ARRB1: variants seen among roughly 807,000 people sequenced by gnomAD.
ARRB1 encodes beta-arrestin-1.
ARRB1 carries 21 observed loss-of-function variants against 56.8 expected under a neutral mutation model. The observed-to-expected ratio is 0.37, with a 90% CI of 0.26 to 0.53. ARRB1 has a LOEUF of 0.53. Ranked by LOEUF, ARRB1 falls within the 20% of genes least tolerant of loss-of-function variation. ARRB1 has a pLI of 0.88. For missense variants in ARRB1, 424 were observed against 553.7 expected, an observed-to-expected ratio of 0.77 and a Z score of 2.35; for synonymous variants, 210 against 218.6, an observed-to-expected ratio of 0.96 and a Z score of 0.35.
At chr11:75,337,608 AG>A (rs1947626344) in intron 1 of ARRB1, among the ~76,000 whole-genome samples, 1 of 151,900 alleles carries the variant, frequency 6.6e-6, no homozygotes, top group African/African-American at 2.4e-5. Flanking sequence ...TCGAGCAGAG[AG>A]GGAACTGACT....
At chr11:75,269,779 A>G (rs1440371179) in intron 13 of ARRB1, among the ~76,000 whole-genome samples, 1 of 152,254 alleles carries the variant, frequency 6.6e-6, no homozygotes, top group Non-Finnish European at 1.5e-5. Flanking sequence ...ATCTTGCCCA[A>G]GGCCACACAG....
chr11:75,282,110 T>C, intron 5 of ARRB1, 89 bp from the exon 6 acceptor site: 1 of 1,414,882 alleles, frequency 7.1e-7, no homozygotes, highest in Non-Finnish European at 9.9e-7. Flanking sequence ...CATACACCCA[T>C]CAGACCAAGG....
intron 1 of ARRB1, among the ~76,000 whole-genome samples, chr11:75,346,522 T>C (rs967447406): frequency 5.3e-5 from 8 of 151,882 alleles, no homozygotes; most frequent in Non-Finnish European, 1.0e-4. Flanking sequence ...GCTCCAGGCA[T>C]GTAGAAAAGC....
chr11:75,302,065 G>GA (rs578050861), intron 1 of ARRB1, among the ~76,000 whole-genome samples: 108 of 152,298 alleles, frequency 7.1e-4, no homozygotes, highest in African/African-American at 2.5e-3. Flanking sequence ...AGTGTGCCCA[G>GA]AGTCAGACTG....
chr11:75,286,244 G>T (rs1946468844), intron 3 of ARRB1, among the ~76,000 whole-genome samples: 3 of 117,302 alleles, frequency 2.6e-5, no homozygotes, highest in South Asian at 6.2e-4. Flanking sequence ...GCCTCACTTT[G>T]ATTTGCTCAT....
Position 75,293,886 on chromosome 11 carries a change from G to A in ARRB1, c.21-3847C>T, listed in dbSNP as rs561292769. Among the ~76,000 whole-genome samples, 117 of 152,234 alleles carry A rather than the reference G, an allele frequency of 7.7e-4. 2 individuals are homozygous for A. Among genetic ancestry groups the A allele is most frequent in the African/African-American group, 2.8e-3 (115 of 41,544 alleles). On this transcript the variant is annotated intron_variant, in intron 1 of 15. Transcript: ENST00000420843. ...TCCTCCCGGGGCTTCATTTTCCCCC[G>A]GTTGCACTGCTTTCTGGGCGGCTGC...
At chr11:75,326,332 T>C (rs1052337528) in intron 1 of ARRB1, among the ~76,000 whole-genome samples, 7 of 152,240 alleles carry the variant, frequency 4.6e-5, no homozygotes, top group African/African-American at 1.7e-4. Flanking sequence ...TAAATAAAAA[T>C]GTGAATGAGT....
At chr11:75,311,852 G>A (rs973453982) in intron 1 of ARRB1, among the ~76,000 whole-genome samples, 1 of 152,192 alleles carries the variant, frequency 6.6e-6, no homozygotes, top group African/African-American at 2.4e-5. Context: ...GGCCCCTGCT[G>A]GCCTGTGACA....
chr11:75,288,192 A>G (rs144911250), intron 2 of ARRB1, among the ~76,000 whole-genome samples: 2 of 152,340 alleles, frequency 1.3e-5, no homozygotes, highest in East Asian at 3.9e-4. Context: ...AGTTAAAAGT[A>G]TATGTTATTT....
At chr11:75,278,001 G>A (rs952599574) in intron 8 of ARRB1, among the ~76,000 whole-genome samples, 5 of 152,268 alleles carry the variant, frequency 3.3e-5, no homozygotes, top group Admixed American at 3.3e-4. Context: ...TCTGGAAGAA[G>A]CAGGGAAAGG....
In ARRB1 at chr11:75,268,937, A is replaced by G. The variant is rs2140397064; in HGVS notation, c.1045T>C (p.Phe349Leu). 2 of 1,610,716 alleles carry G rather than the reference A, an allele frequency of 1.2e-6. No homozygotes were observed. The highest frequency in any genetic ancestry group is 1.7e-4 in the Middle Eastern group (1 of 6,040). ...TTGGGCTTGGGGTGCATTAGGGTGA[A>G]GGGCAGTTCCACGGCCACGTCGCTG... ...ASSDVAVELP[F>L]TLMHPKPKEE... The change falls in exon 14 of 16, where the codon TTC becomes CTC. Residue 349 changes from phenylalanine to leucine, a missense_variant. Phe to Leu is a conservative substitution (Grantham distance 22, BLOSUM62 0). This residue lies in a region of ARRB1 where 121 missense variants were observed against 147.3 expected (regional missense o/e 0.82). Transcript: ENST00000420843.
intron 11 of ARRB1, 111 bp downstream of exon 11, chr11:75,273,963 C>A (rs551417494): frequency 6.6e-7 from 1 of 1,525,792 alleles, no homozygotes; most frequent in Non-Finnish European, 8.9e-7. Context: ...CCTGACAAGG[C>A]TATGGAGAGG....
intron 1 of ARRB1, among the ~76,000 whole-genome samples, chr11:75,344,443 T>C (rs917538749): frequency 1.3e-5 from 2 of 152,196 alleles, no homozygotes; most frequent in Non-Finnish European, 2.9e-5. Context: ...AAGTAAGCAG[T>C]AGAGCATGCC....
rs1242101660 is a variant in ARRB1, at chr11:75,263,013, T to C, written c.*3150A>G. 6.6e-6 allele frequency among the ~76,000 whole-genome samples: 1 copy of C among 152,186 alleles called. No homozygotes were observed. The highest frequency in any genetic ancestry group is 1.9e-4 in the East Asian group (1 of 5,186). On this transcript the variant is annotated 3_prime_UTR_variant, in exon 16 of 16. Transcript: ENST00000420843. ...TGCTCGGTGGGTTTTCACCGGGGCA[T>C]GCTTTTCCTTCCTGCCCGGACCGGT...
chr11:75,280,901 C>T (rs536860697), intron 7 of ARRB1, 174 bp downstream of exon 7: 4 of 694,978 alleles, frequency 5.8e-6, no homozygotes, highest in South Asian at 1.8e-5. Flanking sequence ...TCGAAGCCAC[C>T]TCCCCAAGGA....
intron 1 of ARRB1, among the ~76,000 whole-genome samples, chr11:75,324,422 C>T (rs889383673): frequency 2.0e-5 from 3 of 152,198 alleles, no homozygotes; most frequent in African/African-American, 7.2e-5. Flanking sequence ...CAGCCGCCCT[C>T]GTCAGCCTCA....
At chr11:75,334,437 C>T (rs1947571214) in intron 1 of ARRB1, among the ~76,000 whole-genome samples, 1 of 152,096 alleles carries the variant, frequency 6.6e-6, no homozygotes, top group Non-Finnish European at 1.5e-5. Flanking sequence ...AGCTTGTATC[C>T]CAGAGCCTAA....
chr11:75,330,001 TAA>T (rs759720545), intron 1 of ARRB1, among the ~76,000 whole-genome samples: 6 of 141,404 alleles, frequency 4.2e-5, no homozygotes, highest in Non-Finnish European at 6.2e-5. Context: ...ACCCTGTCTC[TAA>T]AAAAAAAAAA....
At chr11:75,287,794 C>T (rs1369726824) in intron 2 of ARRB1, among the ~76,000 whole-genome samples, 1 of 152,208 alleles carries the variant, frequency 6.6e-6, no homozygotes, top group Non-Finnish European at 1.5e-5. Flanking sequence ...GCGCTGTGTT[C>T]TTCAGTTGCT....
Sources: allele counts gnomAD v4.1 joint callset (sites outside exome capture counted in the v4.1 genomes callset), GRCh38; gene constraint gnomAD v4.1.1; regional missense constraint gnomAD v4.1.1; transcripts MANE v1.5; gene names NCBI Gene and HGNC (gene_info 2026-07-23, HGNC 2026-07-21).